Variants in KCNN2 observed in about 807,000 individuals in gnomAD.
KCNN2 encodes the protein potassium calcium-activated channel subfamily N member 2, also known as small conductance calcium-activated potassium channel protein 2.
Under a neutral mutation model 55.5 loss-of-function variants are expected in KCNN2, and 24 were observed. The observed-to-expected ratio is 0.43, with a 90% CI of 0.31 to 0.61. The LOEUF is 0.61. Ranked by LOEUF, KCNN2 falls within the 20% of genes least tolerant of loss-of-function variation. KCNN2 has a pLI of 0.08. For synonymous variants in KCNN2, 431 were observed against 336.1 expected, an observed-to-expected ratio of 1.28 and a Z score of -3.09; for missense variants, 754 against 853.6, an observed-to-expected ratio of 0.88 and a Z score of 1.45.
At chr5:114,342,594 C>A (rs192358970) in intron 2 of KCNN2, among the ~76,000 whole-genome samples, 2 of 152,250 alleles carry the variant, frequency 1.3e-5, no homozygotes, top group African/African-American at 2.4e-5. Flanking sequence ...TCTTAGAAAT[C>A]TAGAATTGTT....
intron 2 of KCNN2, among the ~76,000 whole-genome samples, chr5:114,310,273 C>T (rs546533145): frequency 6.6e-6 from 1 of 152,218 alleles, no homozygotes; most frequent in African/African-American, 2.4e-5. Context: ...CCATGATGCA[C>T]AGAAACCACA....
intron 2 of KCNN2, among the ~76,000 whole-genome samples, chr5:114,282,050 A>T (rs1239228457): frequency 6.6e-6 from 1 of 152,026 alleles, no homozygotes; most frequent in Non-Finnish European, 1.5e-5. Flanking sequence ...CTCATGACTA[A>T]TATTTATGTA....
At chr5:114,183,390 A>C (rs1172449863) in intron 1 of KCNN2, among the ~76,000 whole-genome samples, 1 of 152,028 alleles carries the variant, frequency 6.6e-6, no homozygotes, top group African/African-American at 2.4e-5. Context: ...AATTTTTCCC[A>C]CTTTCCTGTT....
chr5:114,236,378 T>G (rs1317968078), intron 2 of KCNN2, among the ~76,000 whole-genome samples: 1 of 152,202 alleles, frequency 6.6e-6, no homozygotes, highest in Non-Finnish European at 1.5e-5. Context: ...TTATGTTTTT[T>G]TCTTTAGACT....
chr5:114,457,512 C>T (rs1330615377), intron 3 of KCNN2, among the ~76,000 whole-genome samples: 6 of 152,264 alleles, frequency 3.9e-5, no homozygotes, highest in African/African-American at 1.4e-4. Flanking sequence ...ACTGCACTTA[C>T]ACACTTAGGC....
chr5:114,125,229 A>G (rs2112602982), intron 1 of KCNN2, among the ~76,000 whole-genome samples: 1 of 152,336 alleles, frequency 6.6e-6, no homozygotes, highest in South Asian at 2.1e-4. Flanking sequence ...AGTTAAACAA[A>G]TAAAAACTCC....
At chr5:114,139,069 GTA>G (rs1342120348) in intron 1 of KCNN2, among the ~76,000 whole-genome samples, 1 of 152,064 alleles carries the variant, frequency 6.6e-6, no homozygotes, top group Non-Finnish European at 1.5e-5. Flanking sequence ...TTGGGCTGCC[GTA>G]TTATTACTTG....
At chr5:114,487,433 T>C (rs1747623789) in intron 6 of KCNN2, among the ~76,000 whole-genome samples, 1 of 152,226 alleles carries the variant, frequency 6.6e-6, no homozygotes, top group Non-Finnish European at 1.5e-5. Context: ...GAATAACTTC[T>C]GCTGAAATTG....
chr5:114,257,238 A>G (rs550831321), intron 2 of KCNN2, among the ~76,000 whole-genome samples: 17 of 152,190 alleles, frequency 1.1e-4, no homozygotes, highest in Non-Finnish European at 2.4e-4. Flanking sequence ...TTATACCAGG[A>G]CCATGCTGTT....
intron 1 of KCNN2, among the ~76,000 whole-genome samples, chr5:114,078,153 T>C (rs1364886202): frequency 1.3e-5 from 2 of 152,192 alleles, no homozygotes; most frequent in Non-Finnish European, 2.9e-5. Context: ...TTCTGATGGG[T>C]ATTAAAATGA....
intron 1 of KCNN2, among the ~76,000 whole-genome samples, chr5:114,192,010 T>C (rs1428747160): frequency 1.3e-5 from 2 of 152,178 alleles, no homozygotes; most frequent in African/African-American, 2.4e-5. Context: ...ATGTAGGCTA[T>C]TGATTGACCA....
At chr5:114,263,652 A>T (rs947550934) in intron 2 of KCNN2, among the ~76,000 whole-genome samples, 1 of 151,570 alleles carries the variant, frequency 6.6e-6, no homozygotes, top group Non-Finnish European at 1.5e-5. Flanking sequence ...TTTGTAAAAA[A>T]ATTTTTTATA....
chr5:114,285,140 C>A (rs1011493987), intron 2 of KCNN2, among the ~76,000 whole-genome samples: 1 of 151,130 alleles, frequency 6.6e-6, no homozygotes, highest in Non-Finnish European at 1.5e-5. Flanking sequence ...AAAAATTAGC[C>A]GGGTGTGGTG....
upstream of KCNN2, among the ~76,000 whole-genome samples, chr5:114,359,347 CATAA>C (rs1469045952): frequency 2.6e-5 from 4 of 152,246 alleles, no homozygotes; most frequent in African/African-American, 4.8e-5. Flanking sequence ...GCAACATTGC[CATAA>C]ATCTCAGTAG....
At chr5:114,283,550 G>C (rs1755668878) in intron 2 of KCNN2, among the ~76,000 whole-genome samples, 1 of 151,964 alleles carries the variant, frequency 6.6e-6, no homozygotes, top group South Asian at 2.1e-4. Context: ...GACAATTGTT[G>C]GTACTGATTT....
intron 1 of KCNN2, among the ~76,000 whole-genome samples, chr5:114,106,578 C>T (rs1751486744): frequency 1.4e-5 from 2 of 144,792 alleles, no homozygotes; most frequent in East Asian, 2.0e-4. Flanking sequence ...AGATGGATAT[C>T]ATGTTTTGTT....
chr5:114,324,209 G>T (rs1756672937), intron 2 of KCNN2, among the ~76,000 whole-genome samples: 2 of 152,152 alleles, frequency 1.3e-5, no homozygotes, highest in Non-Finnish European at 2.9e-5. Context: ...AAATTAAATA[G>T]TATTGTGGTA....
chr5:114,102,916 A>G (rs971326503), intron 1 of KCNN2, among the ~76,000 whole-genome samples: 1 of 151,986 alleles, frequency 6.6e-6, no homozygotes, highest in East Asian at 1.9e-4. Flanking sequence ...TCTTGGCTAT[A>G]TGGGCTCTTT....
chr5:114,275,645 T>C (rs1755470969), intron 2 of KCNN2, among the ~76,000 whole-genome samples: 1 of 152,202 alleles, frequency 6.6e-6, no homozygotes, highest in South Asian at 2.1e-4. Context: ...TATTCTCTGA[T>C]GGTAGTTTGT....
Sources: gnomAD v4.1 joint callset for allele counts (sites outside exome capture counted in the v4.1 genomes callset) on GRCh38, gnomAD v4.1.1 for gene constraint, MANE v1.5 for transcripts, NCBI Gene and HGNC (gene_info 2026-07-23, HGNC 2026-07-21) for gene names.